CCDC148: variants seen among roughly 807,000 people sequenced by gnomAD.
CCDC148 encodes the protein coiled-coil domain containing 148, also known as coiled-coil domain-containing protein 148.
In CCDC148, 89 loss-of-function variants were observed where a neutral mutation model predicts 85.7. The observed-to-expected ratio is 1.04, with a 90% CI of 0.87 to 1.24. The LOEUF (loss-of-function observed/expected upper bound fraction) is 1.24. Ranked by LOEUF, CCDC148 falls within the 50% of genes most tolerant of loss-of-function variation. CCDC148 has a pLI of 0.00. For synonymous variants in CCDC148, 230 were observed against 213.9 expected (o/e 1.08, Z -0.66); for missense variants, 692 against 671.7 (o/e 1.03, Z -0.33).
At chr2:158,278,998 T>G (rs1426555653) in intron 9 of CCDC148, among the ~76,000 whole-genome samples, 1 of 152,198 alleles carries the variant, frequency 6.6e-6, no homozygotes, top group Non-Finnish European at 1.5e-5. Context: ...CAGACACCAC[T>G]GCTGATAGCC....
intron 9 of CCDC148, among the ~76,000 whole-genome samples, chr2:158,268,110 T>G (rs924024829): frequency 1.3e-5 from 2 of 152,212 alleles, no homozygotes; most frequent in African/African-American, 4.8e-5. Flanking sequence ...GGATAAATAA[T>G]CAGTAGCATT....
intron 1 of CCDC148, among the ~76,000 whole-genome samples, chr2:158,436,412 T>C (rs999887881): frequency 1.0e-3 from 158 of 152,312 alleles, no homozygotes; most frequent in African/African-American, 3.7e-3. Flanking sequence ...GAAATAAAGA[T>C]GTTCTTTGAA....
chr2:158,206,740 A>C (rs1217413650), intron 11 of CCDC148, among the ~76,000 whole-genome samples: 1 of 152,184 alleles, frequency 6.6e-6, no homozygotes, highest in Non-Finnish European at 1.5e-5. Context: ...GGATTGTGAA[A>C]ATAAGTCCCT....
At chr2:158,256,061 A>C (rs1455428154) in intron 9 of CCDC148, among the ~76,000 whole-genome samples, 1 of 151,816 alleles carries the variant, frequency 6.6e-6, no homozygotes, top group East Asian at 1.9e-4. Context: ...ACACATTCTC[A>C]GAAAGAACAA....
intron 11 of CCDC148, among the ~76,000 whole-genome samples, chr2:158,218,544 G>A (rs778823814): frequency 1.3e-5 from 2 of 152,170 alleles, no homozygotes; most frequent in African/African-American, 2.4e-5. Flanking sequence ...TGTAATCAAA[G>A]AAGCTCCCTG....
chr2:158,414,380 A>G (rs1288078311), intron 1 of CCDC148, among the ~76,000 whole-genome samples: 1 of 152,224 alleles, frequency 6.6e-6, no homozygotes, highest in African/African-American at 2.4e-5. Flanking sequence ...GTAGGATCAG[A>G]TAGGATCAGA....
At chr2:158,387,556 G>T (rs1327126270) in intron 1 of CCDC148, among the ~76,000 whole-genome samples, 26 of 151,984 alleles carry the variant, frequency 1.7e-4, no homozygotes, top group Admixed American at 1.7e-3. Flanking sequence ...CACAGTCAGT[G>T]CTCCCCTGCC....
At chr2:158,349,505 T>C (rs528717994) in intron 2 of CCDC148, among the ~76,000 whole-genome samples, 1 of 152,004 alleles carries the variant, frequency 6.6e-6, no homozygotes, top group Non-Finnish European at 1.5e-5. Context: ...TTCTAGTTAG[T>C]GTGGATTGTT....
intron 9 of CCDC148, among the ~76,000 whole-genome samples, chr2:158,291,656 C>A (rs1270243150): frequency 6.6e-6 from 1 of 152,156 alleles, no homozygotes; most frequent in Admixed American, 6.5e-5. Flanking sequence ...TTATACATAT[C>A]TCTCCCATGG....
chr2:158,229,546 A>G (rs562178340), intron 10 of CCDC148, among the ~76,000 whole-genome samples: 1 of 152,314 alleles, frequency 6.6e-6, no homozygotes, highest in African/African-American at 2.4e-5. Context: ...ATATTCTAAA[A>G]CCTGTTCACT....
At chr2:158,244,095 T>C (rs1688468081) in intron 10 of CCDC148, among the ~76,000 whole-genome samples, 2 of 152,172 alleles carry the variant, frequency 1.3e-5, no homozygotes, top group African/African-American at 4.8e-5. Flanking sequence ...TCCATATTTC[T>C]ACTAACAGTT....
intron 9 of CCDC148, among the ~76,000 whole-genome samples, chr2:158,274,271 C>A (rs1220985142): frequency 6.6e-6 from 1 of 152,174 alleles, no homozygotes; most frequent in Non-Finnish European, 1.5e-5. Flanking sequence ...AAGAGATTTT[C>A]AGGTGATTCA....
chr2:158,417,048 A>G (rs1024171390), intron 1 of CCDC148, among the ~76,000 whole-genome samples: 2 of 152,158 alleles, frequency 1.3e-5, no homozygotes, highest in Non-Finnish European at 2.9e-5. Context: ...CTTTTAAACA[A>G]CAAGATATCA....
intron 1 of CCDC148, among the ~76,000 whole-genome samples, chr2:158,388,006 G>A (rs1685160489): frequency 6.6e-6 from 1 of 152,094 alleles, no homozygotes; most frequent in African/African-American, 2.4e-5. Context: ...CTCCTTATAA[G>A]GATTTAGGAC....
chr2:158,402,920 C>A (rs1327778652), intron 1 of CCDC148, among the ~76,000 whole-genome samples: 1 of 152,016 alleles, frequency 6.6e-6, no homozygotes, highest in Non-Finnish European at 1.5e-5. Flanking sequence ...GAGAATAGAA[C>A]ATGTCTCTAA....
At chr2:158,313,920 A>G (rs768749962) in intron 7 of CCDC148, 26 bp from the exon 8 acceptor site, 10 of 1,600,436 alleles carry the variant, frequency 6.2e-6, no homozygotes, top group South Asian at 2.2e-5. Flanking sequence ...ATGTCACAAC[A>G]TATTATTGAG....
rs543578202 is a variant in CCDC148 at position 158,278,238 on chromosome 2, C to T, written c.1111-27326G>A. Among the ~76,000 whole-genome samples the T allele has an allele frequency of 1.1e-3, 170 of 152,152 alleles. 1 individual carries two copies. Among genetic ancestry groups the T allele is most frequent in the Non-Finnish European group, 1.7e-3 (116 of 68,008 alleles). On this transcript the variant is annotated intron_variant, in intron 9 of 13. Transcript: ENST00000283233. ...ATTTCTGCATTTCCATCTGAGGTAC[C>T]GGGTTCATCTCACTAGGGAGTGCCA...
intron 8 of CCDC148, among the ~76,000 whole-genome samples, chr2:158,310,496 C>T (rs550838476): frequency 1.3e-3 from 186 of 148,474 alleles, no homozygotes; most frequent in Non-Finnish European, 2.0e-3. Flanking sequence ...CCAGACGTGA[C>T]GGCTGGGCAG....
intron 7 of CCDC148, among the ~76,000 whole-genome samples, chr2:158,328,221 T>A (rs931349673): frequency 6.6e-6 from 1 of 152,118 alleles, no homozygotes; most frequent in Admixed American, 6.5e-5. Context: ...TGTCCATGTG[T>A]TCTCATTGTT....
Sources: gnomAD v4.1 joint callset for allele counts (sites outside exome capture counted in the v4.1 genomes callset) on GRCh38, gnomAD v4.1.1 for gene constraint, MANE v1.5 for transcripts, NCBI Gene and HGNC (gene_info 2026-07-23, HGNC 2026-07-21) for gene names.